ZFHX3: variants seen among roughly 807,000 people sequenced by gnomAD.
The protein encoded by ZFHX3 is zinc finger homeobox protein 3.
Under a neutral mutation model 279.1 loss-of-function variants are expected in ZFHX3, and 42 were observed. That is an observed-to-expected ratio of 0.15 (90% CI 0.12 to 0.19). The LOEUF is 0.19. Among genes scored for constraint, ZFHX3 ranks in the 10% least tolerant of loss-of-function variants. The pLI is 1.00. For synonymous variants in ZFHX3, 2,293 were observed against 1,957.8 expected, an observed-to-expected ratio of 1.17 and a Z score of -4.52; for missense variants, 4,981 against 4,754.0, an observed-to-expected ratio of 1.05 and a Z score of -1.40.
intron 3 of ZFHX3, among the ~76,000 whole-genome samples, chr16:73,451,979 G>A (rs2018288078): frequency 6.6e-6 from 1 of 152,126 alleles, no homozygotes; most frequent in African/African-American, 2.4e-5. Flanking sequence ...GGAGAGATGA[G>A]GGCTACATAC....
chr16:73,040,140 C>G (rs752220651), intron 1 of ZFHX3, among the ~76,000 whole-genome samples: 2 of 152,090 alleles, frequency 1.3e-5, no homozygotes, highest in Admixed American at 6.5e-5. Flanking sequence ...AGAGTCTGAA[C>G]TGGGGGAGTC....
chr16:73,235,279 C>T (rs1004724339), intron 5 of ZFHX3, among the ~76,000 whole-genome samples: 1 of 152,164 alleles, frequency 6.6e-6, no homozygotes, highest in Non-Finnish European at 1.5e-5. Flanking sequence ...CTGTGTTCAC[C>T]AGGATGGTCT....
chr16:73,510,025 T>C (rs1369082992), intron 2 of ZFHX3, among the ~76,000 whole-genome samples: 1 of 152,194 alleles, frequency 6.6e-6, no homozygotes, highest in Non-Finnish European at 1.5e-5. Context: ...CTCAGCATCG[T>C]CCTTTAGGAC....
At chr16:73,533,175 C>A (rs1223516710) in intron 2 of ZFHX3, among the ~76,000 whole-genome samples, 1 of 151,924 alleles carries the variant, frequency 6.6e-6, no homozygotes, top group Admixed American at 6.6e-5. Flanking sequence ...TTTCTCGTTT[C>A]ATCTCAAACC....
chr16:73,754,874 C>T (rs867135443), intron 1 of ZFHX3, among the ~76,000 whole-genome samples: 5 of 152,098 alleles, frequency 3.3e-5, no homozygotes, highest in South Asian at 2.1e-4. Context: ...CAAATTTCAC[C>T]GATTTCTCAG....
chr16:73,780,058 C>G (rs1385571424), intron 1 of ZFHX3, among the ~76,000 whole-genome samples: 2 of 140,244 alleles, frequency 1.4e-5, no homozygotes, highest in Non-Finnish European at 3.0e-5. Flanking sequence ...ACTGAGATAG[C>G]TTCTGCCACC....
intron 1 of ZFHX3, among the ~76,000 whole-genome samples, chr16:73,828,763 C>A (rs1176883204): frequency 9.2e-6 from 1 of 108,546 alleles, no homozygotes; most frequent in African/African-American, 4.3e-5. Flanking sequence ...AGGGTTTCTG[C>A]CGAGAGATCC....
At chr16:73,845,072 C>T in intron 1 of ZFHX3, among the ~76,000 whole-genome samples, 1 of 152,030 alleles carries the variant, frequency 6.6e-6, no homozygotes, top group East Asian at 1.9e-4. Context: ...GCACTGATAC[C>T]CTCTATTCTT....
chr16:72,798,194 C>T lies in ZFHX3; in HGVS notation c.4488G>A (p.Glu1496=), dbSNP rs1284497768. The T allele has an allele frequency of 1.1e-5, 17 of 1,614,218 alleles. No homozygotes were observed. The highest frequency in any genetic ancestry group is 1.4e-5 in the Non-Finnish European group (17 of 1,180,046). The stretch of plus-strand genomic sequence containing the variant: ...GGCTCTGTTTATCTTCCAAGTCACT[C>T]TCTTCCTCCTTGTCTTCCTCAACAA... ...TIIVEEDKEE[E]SDLEDKQSPT... Residue 1496 remains glutamate, a synonymous_variant, in exon 9 of 10, where the codon GAG becomes GAA. Transcript: ENST00000268489.
At chr16:73,495,207 G>A (rs1377798454) in intron 2 of ZFHX3, among the ~76,000 whole-genome samples, 1 of 152,120 alleles carries the variant, frequency 6.6e-6, no homozygotes, top group African/African-American at 2.4e-5. Context: ...TGCATAACCT[G>A]ATGTTTCAGT....
intron 4 of ZFHX3, 125 bp downstream of exon 4, chr16:72,889,606 T>TCAGTAAGGAA (rs2144071821): frequency 1.2e-6 from 1 of 857,102 alleles, no homozygotes; most frequent in African/African-American, 1.7e-5. Flanking sequence ...ACCTGTGAAG[T>TCAGTAAGGAA]CAGTAAGGAA....
chr16:73,667,183 G>A (rs10221109), intron 2 of ZFHX3, among the ~76,000 whole-genome samples: 8,687 of 152,022 alleles, frequency 0.057, 317 homozygotes, highest in Non-Finnish European at 0.084. Context: ...GTAGAGATGG[G>A]ATTTTGCCAT....
intron 1 of ZFHX3, among the ~76,000 whole-genome samples, chr16:73,008,749 A>AT (rs1198070415): frequency 6.6e-6 from 1 of 152,126 alleles, no homozygotes. Context: ...AAACTTCCAT[A>AT]TTTTTTTGAT....
At position 72,812,535 on chromosome 16, in the gene ZFHX3, T is replaced by G. The variant is rs369500998; in HGVS notation, c.3530-497A>C. ...CACAGCATTGGCAACATGAAAAATGTGATTTGAGAAAGGTTCACATGAGTA... is the reference window on the plus strand; with the variant it reads ...CACAGCATTGGCAACATGAAAAATGGGATTTGAGAAAGGTTCACATGAGTA... On this transcript the variant is annotated intron_variant, in intron 5 of 9. Transcript: ENST00000268489. 7.2e-5 allele frequency among the ~76,000 whole-genome samples: 11 copies of G among 152,306 alleles called. No homozygotes were observed. In the East Asian group the frequency reaches 1.7e-3, roughly 24 times the overall value.
intron 1 of ZFHX3, among the ~76,000 whole-genome samples, chr16:73,731,642 CGG>C (rs2053570614): frequency 2.6e-5 from 1 of 39,050 alleles, no homozygotes; most frequent in Non-Finnish European, 7.0e-5. Flanking sequence ...CAATGATGTT[CGG>C]GGTGAAAAAA....
intron 7 of ZFHX3, among the ~76,000 whole-genome samples, chr16:72,803,866 G>T (rs933065879): frequency 2.6e-5 from 4 of 152,164 alleles, no homozygotes; most frequent in African/African-American, 9.7e-5. Context: ...TCTCAAGGTT[G>T]GCCTCTGCCA....
chr16:73,032,270 C>T (rs1457268461), intron 1 of ZFHX3, among the ~76,000 whole-genome samples: 1 of 152,094 alleles, frequency 6.6e-6, no homozygotes, highest in Non-Finnish European at 1.5e-5. Context: ...TCACTACACT[C>T]CAGCCTGGGC....
intron 1 of ZFHX3, among the ~76,000 whole-genome samples, chr16:73,797,039 TA>T (rs535961090): frequency 3.2e-3 from 454 of 141,686 alleles, no homozygotes; most frequent in Middle Eastern, 7.5e-3. Context: ...CTGTCTCTAC[TA>T]AAAAAAAAAA....
chr16:73,108,428 G>C (rs1369411700), intron 7 of ZFHX3, among the ~76,000 whole-genome samples: 1 of 152,018 alleles, frequency 6.6e-6, no homozygotes, highest in African/African-American at 2.4e-5. Flanking sequence ...TTTGTTTTGA[G>C]GGTATTGCTC....
Sources: gnomAD v4.1 joint callset for allele counts (sites outside exome capture counted in the v4.1 genomes callset) on GRCh38, gnomAD v4.1.1 for gene constraint, MANE v1.5 for transcripts, NCBI Gene and HGNC (gene_info 2026-07-23, HGNC 2026-07-21) for gene names.